CRHR2: variants seen among roughly 807,000 people sequenced by gnomAD.
CRHR2 encodes corticotropin-releasing hormone receptor 2.
A neutral mutation model predicts 57.9 loss-of-function variants in CRHR2; 53 were observed. The observed-to-expected ratio is 0.92, with a 90% CI of 0.73 to 1.15. The LOEUF is 1.15. CRHR2 is among the 50% of genes most tolerant of loss of function. The pLI, the probability that CRHR2 is intolerant of heterozygous loss-of-function variation, is 0.00. For synonymous variants in CRHR2, 213 were observed against 220.9 expected (o/e 0.96, Z 0.32); for missense variants, 532 against 542.6 (o/e 0.98, Z 0.19).
intron 1 of CRHR2, among the ~76,000 whole-genome samples, chr7:30,694,153 C>A (rs1785012188): frequency 6.6e-6 from 1 of 152,220 alleles, no homozygotes. Flanking sequence ...GCCCCCTCAG[C>A]CAGGTAGAGC....
intron 7 of CRHR2, 150 bp downstream of exon 7, chr7:30,662,005 AT>A (rs1784017847): frequency 1.3e-5 from 10 of 760,102 alleles, no homozygotes; most frequent in South Asian, 7.9e-5. Context: ...GTGCAGGACT[AT>A]TTTTTTCAAT....
chr7:30,654,354 T>A (rs1176362412), intron 11 of CRHR2, among the ~76,000 whole-genome samples: 1 of 152,194 alleles, frequency 6.6e-6, no homozygotes, highest in Non-Finnish European at 1.5e-5. Context: ...ACTTTGCAAG[T>A]GGAATGTGCT....
At position 30,682,389 on chromosome 7, in the gene CRHR2, C is replaced by T. The variant is rs941756407; in HGVS notation, c.-109G>A. ...CGAGAGGGCGCGGGGTCCTGGCCCCCGCCAGCCCAGCCCCGATCTCCCGGG... is the reference window on the plus strand; with the variant it reads ...CGAGAGGGCGCGGGGTCCTGGCCCCTGCCAGCCCAGCCCCGATCTCCCGGG... On this transcript the variant is annotated 5_prime_UTR_variant, in exon 1 of 12. Coordinates refer to ENST00000471646, the MANE Select transcript of CRHR2 (RefSeq NM_001883.5). The T allele has an allele frequency of 5.0e-5, 70 of 1,390,068 alleles. No individual in the cohort carries two copies. The African/African-American group carries it at 7.3e-4, about 14-fold the overall frequency. 86.1% of individuals were successfully genotyped at this position (1,390,068 alleles called of 1,614,324 possible). A position where few individuals can be genotyped will look rare whatever the true frequency, so the allele number is the denominator to read the frequency against.
At chr7:30,697,651 C>A (rs1785084336) in intron 1 of CRHR2, among the ~76,000 whole-genome samples, 1 of 152,150 alleles carries the variant, frequency 6.6e-6, no homozygotes, top group African/African-American at 2.4e-5. Flanking sequence ...GCAGATCAGA[C>A]CAGGCACCTC....
rs1316953495 is a variant in CRHR2, at chr7:30,682,140, G to A, written c.103+38C>T. ...GGGCGCACCCAGCGCGCGAGAGAAG[G>A]AGCCCGCGCAGCCTCCGACCGCTCG... On this transcript the variant is annotated intron_variant, in intron 1 of 11. Coordinates refer to ENST00000471646, the MANE Select transcript of CRHR2 (RefSeq NM_001883.5). 3 of 1,535,870 alleles carry A rather than the reference G, an allele frequency of 2.0e-6. No homozygotes were observed. In the African/African-American group the frequency reaches 4.2e-5, roughly 22 times the overall value.
chr7:30,662,744 G>C lies in CRHR2; in HGVS notation c.647C>G (p.Thr216Ser), dbSNP rs140917893. The C allele has an allele frequency of 3.9e-5, 63 of 1,614,098 alleles. No homozygotes were observed. Among genetic ancestry groups the C allele is most frequent in the Non-Finnish European group, 4.9e-5 (58 of 1,180,042 alleles). ...GCYLHTAIVM[T>S]YSTERLRKCL... ...CTTGCGCAGGCGCTCAGTGGAGTAGGTCATGACAATGGCCGTGTGCAGGTA... is the reference window on the plus strand; with the variant it reads ...CTTGCGCAGGCGCTCAGTGGAGTAGCTCATGACAATGGCCGTGTGCAGGTA... The change falls in exon 6 of 12, where the codon ACC becomes AGC. Residue 216 changes from threonine (T) to serine (S), a missense_variant. Coordinates refer to ENST00000471646, the MANE Select transcript of CRHR2 (RefSeq NM_001883.5).
chr7:30,697,446 G>T (rs181187267), intron 1 of CRHR2, among the ~76,000 whole-genome samples: 1 of 152,236 alleles, frequency 6.6e-6, no homozygotes, highest in South Asian at 2.1e-4. Context: ...CCACCTTCCC[G>T]GTGTTTGAGT....
chr7:30,675,062 ACTTAGATCCAGCC>A (rs1416593243), intron 2 of CRHR2, among the ~76,000 whole-genome samples: 1 of 152,220 alleles, frequency 6.6e-6, no homozygotes, highest in Admixed American at 6.5e-5. Context: ...CAAACCCAGG[ACTTAGATCCAGCC>A]CTGCTAAATC....
At chr7:30,680,297 CTGAG>C (rs898148204) in intron 2 of CRHR2, among the ~76,000 whole-genome samples, 29 of 152,354 alleles carry the variant, frequency 1.9e-4, no homozygotes, top group African/African-American at 6.3e-4. Context: ...CACAAATTGA[CTGAG>C]TATTACTGTA....
In CRHR2 at chr7:30,653,759, T is replaced by C. The variant is rs971399363; in HGVS notation, c.1096-159A>G. On this transcript the variant is annotated intron_variant, in intron 11 of 11. Transcript: ENST00000471646. The surrounding 1 kb of genome is among the most constrained non-coding windows in gnomAD (Gnocchi z 5.0). ...GGTCCTTCCCTGATGCTGTTGCCTC[T>C]CTCCAGGGGCCTCTTCCTTATCCTT... is the stretch of plus-strand genomic sequence containing the variant. Among the ~76,000 whole-genome samples the C allele has an allele frequency of 6.6e-6, 1 of 152,102 alleles. No homozygotes were observed. The highest frequency in any genetic ancestry group is 1.9e-4 in the East Asian group (1 of 5,176).
upstream of CRHR2, among the ~76,000 whole-genome samples, chr7:30,685,440 G>A (rs2128149707): frequency 6.6e-6 from 1 of 152,320 alleles, no homozygotes; most frequent in South Asian, 2.1e-4. Flanking sequence ...TAGAGAGGGA[G>A]TCTATTCAGG....
At chr7:30,657,879 TCCATCCACGTAC>T (rs1231249553) in intron 8 of CRHR2, among the ~76,000 whole-genome samples, 1 of 152,170 alleles carries the variant, frequency 6.6e-6, no homozygotes, top group East Asian at 1.9e-4. Flanking sequence ...GTTTTATCTA[TCCATCCACGTAC>T]CCATCCATCT....
upstream of CRHR2, among the ~76,000 whole-genome samples, chr7:30,685,834 G>A (rs534349131): frequency 7.3e-4 from 111 of 152,124 alleles, no homozygotes; most frequent in Non-Finnish European, 1.5e-3. Context: ...CAGATAAAAC[G>A]ATGTTTTATA....
rs1784141409 is a variant in CRHR2 at position 30,665,257 on chromosome 7, AGGTAGAGACTCAGCCT to A, written c.426-86_426-71del. ...CTGGGACTGGGTTCCCCCTGAGGCC[AGGTAGAGACTCAGCCT>A]GGGATGAGGGCAGGGCTGCACTAGG... On this transcript the variant is annotated intron_variant, in intron 4 of 11. Coordinates refer to ENST00000471646, the MANE Select transcript of CRHR2 (RefSeq NM_001883.5). The surrounding 1 kb of genome is among the most constrained non-coding windows in gnomAD (Gnocchi z 4.5). 2.2e-6 allele frequency: 3 copies of A among 1,336,666 alleles called. No individual in the cohort carries two copies. In the South Asian group the frequency reaches 3.6e-5, roughly 16 times the overall value. The allele number at this position is 1,336,666 out of a possible 1,614,324, so 82.8% of individuals were successfully genotyped here.
chr7:30,667,083 G>A, intron 3 of CRHR2, 145 bp downstream of exon 3: 1 of 685,818 alleles, frequency 1.5e-6, no homozygotes, highest in South Asian at 1.8e-5. Context: ...CACAGGGCAG[G>A]ACACTGGGGG....
chr7:30,693,402 G>A (rs1784996249), intron 1 of CRHR2, among the ~76,000 whole-genome samples: 1 of 152,202 alleles, frequency 6.6e-6, no homozygotes, highest in Non-Finnish European at 1.5e-5. Context: ...ACCCCTCAAA[G>A]GTGGGATTGG....
At position 30,653,687 on chromosome 7, in the gene CRHR2, G is replaced by T. The variant is rs1000576664; in HGVS notation, c.1096-87C>A. 5 of 1,455,868 alleles carry T rather than the reference G, an allele frequency of 3.4e-6. No homozygotes were observed. In the South Asian group the frequency reaches 5.5e-5, roughly 16 times the overall value. The allele number at this position is 1,455,868 out of a possible 1,614,324, so 90.2% of individuals were successfully genotyped here. A position where few individuals can be genotyped will look rare whatever the true frequency, so the allele number is the denominator to read the frequency against. On this transcript the variant is annotated intron_variant, in intron 11 of 11. Transcript: ENST00000471646. This position sits in a 1 kb window ranked among gnomAD's most constrained non-coding sequence, Gnocchi z 5.0. ...CCCCTCCTCTGCTTTCTGCTCTCAT[G>T]GGTCGACTGCCACCCTCATGACAAG... is the stretch of plus-strand genomic sequence containing the variant.
intron 9 of CRHR2, 30 bp downstream of exon 9, chr7:30,655,897 A>G: frequency 1.2e-6 from 2 of 1,609,820 alleles, no homozygotes; most frequent in South Asian, 1.1e-5. Context: ...TCCTGTCCCC[A>G]TTGTGGGGTC....
intron 7 of CRHR2, among the ~76,000 whole-genome samples, chr7:30,661,178 TC>T (rs1783984793): frequency 1.3e-5 from 2 of 152,312 alleles, no homozygotes; most frequent in South Asian, 4.1e-4. Flanking sequence ...CTGGCTGGCC[TC>T]ACTGGCTGCC....
Sources: allele counts gnomAD v4.1 joint callset (sites outside exome capture counted in the v4.1 genomes callset), GRCh38; gene constraint gnomAD v4.1.1; non-coding constraint Gnocchi (gnomAD v3.1); transcripts MANE v1.5; gene names NCBI Gene and HGNC (gene_info 2026-07-23, HGNC 2026-07-21).